Variants in NUDCD3 observed in about 807,000 individuals in gnomAD.
NUDCD3 encodes the protein NudC domain containing 3.
A neutral mutation model predicts 39.7 loss-of-function variants in NUDCD3; 13 were observed. The observed-to-expected ratio is 0.33, with a 90% CI of 0.21 to 0.52. The LOEUF is 0.52. Among genes scored for constraint, NUDCD3 ranks in the 20% least tolerant of loss-of-function variants. NUDCD3 has a pLI of 0.96. For missense variants in NUDCD3, 453 were observed against 458.1 expected, an observed-to-expected ratio of 0.99 and a Z score of 0.10; for synonymous variants, 175 against 172.4, an observed-to-expected ratio of 1.02 and a Z score of -0.12.
At chr7:44,470,444 T>TACAC (rs1442565892) in intron 2 of NUDCD3, among the ~76,000 whole-genome samples, 2 of 152,234 alleles carry the variant, frequency 1.3e-5, no homozygotes, top group African/African-American at 2.4e-5. Flanking sequence ...CAGAGCTGCC[T>TACAC]ACACGCCCAG....
chr7:44,439,639 G>T (rs1225220581), intron 2 of NUDCD3, among the ~76,000 whole-genome samples: 1 of 149,906 alleles, frequency 6.7e-6, no homozygotes, highest in Non-Finnish European at 1.5e-5. Flanking sequence ...GGGATGCAAA[G>T]ATGTCAAAGA....
intron 2 of NUDCD3, among the ~76,000 whole-genome samples, chr7:44,473,254 T>TTA (rs1198953895): frequency 6.6e-6 from 1 of 152,204 alleles, no homozygotes; most frequent in Non-Finnish European, 1.5e-5. Context: ...CCAAGCATTT[T>TTA]ATTTTATTTT....
chr7:44,483,184 A>G (rs1800530417), intron 2 of NUDCD3, among the ~76,000 whole-genome samples: 1 of 152,170 alleles, frequency 6.6e-6, no homozygotes, highest in Admixed American at 6.5e-5. Context: ...AATGATAATA[A>G]CTTCAAGGAA....
chr7:44,482,114 G>T (rs570202965), intron 2 of NUDCD3, among the ~76,000 whole-genome samples: 6 of 152,184 alleles, frequency 3.9e-5, no homozygotes, highest in Non-Finnish European at 8.8e-5. Context: ...TCTTACATCT[G>T]ATTATTTTAC....
At chr7:44,424,399 C>G (rs1204847046) in intron 3 of NUDCD3, among the ~76,000 whole-genome samples, 1 of 151,586 alleles carries the variant, frequency 6.6e-6, no homozygotes, top group African/African-American at 2.4e-5. Context: ...ATCCATCTGA[C>G]AAAGGTCTAA....
At chr7:44,401,164 A>G (rs1181740306) in intron 4 of NUDCD3, among the ~76,000 whole-genome samples, 3 of 152,074 alleles carry the variant, frequency 2.0e-5, no homozygotes, top group African/African-American at 7.2e-5. Flanking sequence ...CCTCTGATTC[A>G]CCTGCAGTCC....
chr7:44,392,392 TG>T lies in NUDCD3; in HGVS notation c.879del (p.Met294TrpfsTer32). 6.2e-7 allele frequency: 1 copy of T among 1,614,186 alleles called. No homozygotes were observed. Among genetic ancestry groups the T allele is most frequent in the South Asian group, 1.1e-5 (1 of 91,084 alleles). On this transcript the variant is annotated frameshift_variant, in exon 5 of 6. Transcript: ENST00000355451. LOFTEE classifies it high-confidence loss of function. ...TGTTCCTCCTCATCCACGGTGGCCA[TG>T]GAGCGCTCCTTGTTGATCTTGTCAA... is the stretch of plus-strand genomic sequence containing the variant. ...IDIDKINKER[S>X]MATVDEEEQA...
chr7:44,471,568 C>G (rs886412589), intron 2 of NUDCD3, among the ~76,000 whole-genome samples: 2 of 152,158 alleles, frequency 1.3e-5, no homozygotes, highest in Non-Finnish European at 2.9e-5. Context: ...ACACAAAGGA[C>G]AGTTTGCACA....
intron 5 of NUDCD3, among the ~76,000 whole-genome samples, chr7:44,391,622 C>A (rs1798517979): frequency 6.6e-6 from 1 of 152,230 alleles, no homozygotes; most frequent in African/African-American, 2.4e-5. Flanking sequence ...CCCTGCTGTA[C>A]TGCGGCCCAA....
intron 3 of NUDCD3, among the ~76,000 whole-genome samples, chr7:44,410,429 G>A (rs543043452): frequency 1.3e-4 from 20 of 152,218 alleles, no homozygotes; most frequent in African/African-American, 3.9e-4. Flanking sequence ...TTGGGAGGCC[G>A]AGGTGGGTGG....
At chr7:44,409,993 C>T (rs554275441) in intron 3 of NUDCD3, among the ~76,000 whole-genome samples, 2 of 151,754 alleles carry the variant, frequency 1.3e-5, no homozygotes, top group Admixed American at 6.6e-5. Context: ...ACCCAAACTG[C>T]GAAACAGGAG....
intron 2 of NUDCD3, among the ~76,000 whole-genome samples, chr7:44,481,029 T>G (rs1358060651): frequency 6.6e-6 from 1 of 151,392 alleles, no homozygotes; most frequent in Non-Finnish European, 1.5e-5. Context: ...TGTACAAACT[T>G]CTTGTCATTA....
chr7:44,432,882 G>T (rs1472169882), intron 2 of NUDCD3, among the ~76,000 whole-genome samples: 1 of 152,152 alleles, frequency 6.6e-6, no homozygotes, highest in African/African-American at 2.4e-5. Flanking sequence ...CAACATCTGG[G>T]TGCAATGTAC....
intron 2 of NUDCD3, among the ~76,000 whole-genome samples, chr7:44,450,995 T>A (rs1382552444): frequency 6.6e-6 from 1 of 152,160 alleles, no homozygotes. Flanking sequence ...CTGAAAGAAA[T>A]CAGACTAAAA....
chr7:44,458,938 G>C (rs1303203352), intron 2 of NUDCD3, among the ~76,000 whole-genome samples: 21 of 82,730 alleles, frequency 2.5e-4, no homozygotes, highest in Admixed American at 1.7e-3. Flanking sequence ...GGGGAGTGCT[G>C]TGTGTGTGTG....
chr7:44,464,228 AAG>A (rs1294439267), intron 2 of NUDCD3, among the ~76,000 whole-genome samples: 62 of 147,088 alleles, frequency 4.2e-4, no homozygotes, highest in African/African-American at 1.3e-3. Flanking sequence ...AAAAAAAAAA[AAG>A]AAAAAGAAAA....
intron 2 of NUDCD3, among the ~76,000 whole-genome samples, chr7:44,439,749 A>G (rs1384553048): frequency 6.6e-6 from 1 of 152,192 alleles, no homozygotes; most frequent in Non-Finnish European, 1.5e-5. Context: ...CCATACTGAT[A>G]TAAGTAACTG....
chr7:44,486,209 A>G (rs1800606981), intron 1 of NUDCD3, among the ~76,000 whole-genome samples: 1 of 152,232 alleles, frequency 6.6e-6, no homozygotes, highest in Non-Finnish European at 1.5e-5. Context: ...TGAGACAGCA[A>G]CCTGGGACAT....
At chr7:44,411,319 T>C (rs1798919875) in intron 3 of NUDCD3, among the ~76,000 whole-genome samples, 1 of 150,330 alleles carries the variant, frequency 6.7e-6, no homozygotes, top group African/African-American at 2.4e-5. Flanking sequence ...CTTCAAAGAG[T>C]AGTATCAAGA....
Sources: gnomAD v4.1 joint callset for allele counts (sites outside exome capture counted in the v4.1 genomes callset) on GRCh38, gnomAD v4.1.1 for gene constraint, MANE v1.5 for transcripts, NCBI Gene and HGNC (gene_info 2026-07-23, HGNC 2026-07-21) for gene names.